The following SLCO3A1 variants were observed in gnomAD, a reference collection of about 807,000 sequenced individuals.
The protein encoded by SLCO3A1 is solute carrier organic anion transporter family member 3A1, also known as PGE1 transporter.
SLCO3A1 carries 27 observed loss-of-function variants against 63.1 expected under a neutral mutation model. The observed-to-expected ratio is 0.43, with a 90% CI of 0.32 to 0.59. The LOEUF is 0.59. SLCO3A1 is among the 20% of genes least tolerant of loss of function. SLCO3A1 has a pLI of 0.09. For synonymous variants in SLCO3A1, 473 were observed against 409.9 expected, an observed-to-expected ratio of 1.15 and a Z score of -1.86; for missense variants, 773 against 945.8, an observed-to-expected ratio of 0.82 and a Z score of 2.40.
Position 92,165,309 on chromosome 15 carries a change from C to T in SLCO3A1, c.*2174C>T, listed in dbSNP as rs1596163279. 2.0e-6 allele frequency: 2 copies of T among 984,912 alleles called. No individual in the cohort carries two copies. Among genetic ancestry groups the T allele is most frequent in the Non-Finnish European group, 2.4e-6 (2 of 829,590 alleles). 61.0% of individuals were successfully genotyped at this position (984,912 alleles called of 1,614,324 possible). A position where few individuals can be genotyped will look rare whatever the true frequency, so the allele number is the denominator to read the frequency against. On this transcript the variant is annotated 3_prime_UTR_variant, in exon 10 of 10. Coordinates refer to ENST00000318445, the MANE Select transcript of SLCO3A1 (RefSeq NM_013272.4). The stretch of plus-strand genomic sequence containing the variant: ...GTTAACTACTAAAGGGGAGATGGTT[C>T]TCCAACCACTTCATAAAATATGTAT...
chr15:91,932,012 C>G (rs1899253123), intron 2 of SLCO3A1, among the ~76,000 whole-genome samples: 1 of 152,102 alleles, frequency 6.6e-6, no homozygotes, highest in Admixed American at 6.5e-5. Flanking sequence ...TGGTGACTGT[C>G]TTAGAAAGCT....
intron 2 of SLCO3A1, among the ~76,000 whole-genome samples, chr15:92,093,599 T>A (rs1476506192): frequency 6.6e-6 from 1 of 152,144 alleles, no homozygotes; most frequent in Non-Finnish European, 1.5e-5. Flanking sequence ...AAGTTGTTTT[T>A]CCCCACCTCA....
rs1367873467 is a variant in SLCO3A1, at chr15:91,894,976, G to A, written c.181-21017G>A. Among the ~76,000 whole-genome samples, 2 of 152,200 alleles carry A rather than the reference G, an allele frequency of 1.3e-5. No homozygotes were observed. The highest frequency in any genetic ancestry group is 4.8e-5 in the African/African-American group (2 of 41,440). On this transcript the variant is annotated intron_variant, in intron 1 of 9. Transcript: ENST00000318445. This position sits in a 1 kb window ranked among gnomAD's most constrained non-coding sequence, Gnocchi z 4.8. ...GGACTTGTGGCTGTGAGTCTCCAGAGACTCAAGGCATTTGCTTTGTGAGGA... is the reference window on the plus strand; with the variant it reads ...GGACTTGTGGCTGTGAGTCTCCAGAAACTCAAGGCATTTGCTTTGTGAGGA...
At chr15:92,057,739 A>G (rs1452484198) in intron 2 of SLCO3A1, among the ~76,000 whole-genome samples, 1 of 152,190 alleles carries the variant, frequency 6.6e-6, no homozygotes, top group Non-Finnish European at 1.5e-5. Flanking sequence ...ACTGATAATC[A>G]GAGGCTGCAT....
intron 1 of SLCO3A1, among the ~76,000 whole-genome samples, chr15:91,864,549 A>G (rs1413698535): frequency 1.4e-5 from 2 of 138,112 alleles, no homozygotes. Flanking sequence ...TACCCTACCT[A>G]TCCTTAATGG....
In SLCO3A1 at chr15:91,882,801, T is replaced by G. The variant is rs532822034; in HGVS notation, c.180+28713T>G. Among the ~76,000 whole-genome samples, 1 of 152,318 alleles carries G rather than the reference T, an allele frequency of 6.6e-6. No individual in the cohort carries two copies. Among genetic ancestry groups the G allele is most frequent in the South Asian group, 2.1e-4 (1 of 4,822 alleles). On this transcript the variant is annotated intron_variant, in intron 1 of 9. Transcript: ENST00000318445. The surrounding 1 kb of genome is among the most constrained non-coding windows in gnomAD (Gnocchi z 4.4). ...CCTTCCAAAGTGCTGAGATTACAGG[T>G]GTGAGCTACCGCGCCCAGCCATGAC...
intron 2 of SLCO3A1, among the ~76,000 whole-genome samples, chr15:92,093,752 G>A (rs1255182255): frequency 2.0e-5 from 3 of 152,148 alleles, no homozygotes; most frequent in Admixed American, 1.3e-4. Context: ...CTGAATGGAT[G>A]AATATGTGAT....
chr15:92,053,441 C>T (rs1421877974), intron 2 of SLCO3A1, among the ~76,000 whole-genome samples: 5 of 152,238 alleles, frequency 3.3e-5, no homozygotes, highest in African/African-American at 9.6e-5. Context: ...CAATACATTG[C>T]GATCATCTGA....
intron 2 of SLCO3A1, among the ~76,000 whole-genome samples, chr15:92,091,333 C>G (rs1165905913): frequency 6.6e-6 from 1 of 152,178 alleles, no homozygotes; most frequent in East Asian, 1.9e-4. Context: ...AGCACCGGGC[C>G]GCTGCAGAAG....
intron 2 of SLCO3A1, among the ~76,000 whole-genome samples, chr15:92,013,432 C>G (rs548205618): frequency 3.9e-5 from 6 of 152,306 alleles, no homozygotes; most frequent in South Asian, 2.1e-4. Context: ...CTGACCTCAA[C>G]CCTACCAGCC....
rs1762596579 is a variant in SLCO3A1 at position 92,163,455 on chromosome 15, G to A, written c.*320G>A. Reference sequence around the variant, plus strand: ...AGCAACAGGCACTGCCAAATTCAGGGAACAGTGGTGGCCAGCTTGGAGGAT... The same window carrying A: ...AGCAACAGGCACTGCCAAATTCAGGAAACAGTGGTGGCCAGCTTGGAGGAT... On this transcript the variant is annotated 3_prime_UTR_variant, in exon 10 of 10. Coordinates refer to ENST00000318445, the MANE Select transcript of SLCO3A1 (RefSeq NM_013272.4). The A allele has an allele frequency of 3.8e-6, 4 of 1,045,594 alleles. No individual in the cohort carries two copies. Among genetic ancestry groups the A allele is most frequent in the Non-Finnish European group, 4.6e-6 (4 of 870,262 alleles). The allele number at this position is 1,045,594 out of a possible 1,614,324, so 64.8% of individuals were successfully genotyped here.
At chr15:92,099,198 C>CA (rs1313745319) in intron 3 of SLCO3A1, among the ~76,000 whole-genome samples, 1 of 152,190 alleles carries the variant, frequency 6.6e-6, no homozygotes, top group Non-Finnish European at 1.5e-5. Flanking sequence ...GTTTGCTTCA[C>CA]AAAAAAGGTC....
chr15:91,864,029 G>T lies in SLCO3A1; in HGVS notation c.180+9941G>T, dbSNP rs188662993. On this transcript the variant is annotated intron_variant, in intron 1 of 9. Transcript: ENST00000318445. Reference sequence around the variant, plus strand: ...GAGCAGTTTTGCAGCTTTGCAGCTTGCACTTGATGGAAGCAGATGGGGAGG... The same window carrying T: ...GAGCAGTTTTGCAGCTTTGCAGCTTTCACTTGATGGAAGCAGATGGGGAGG... 1.1e-4 allele frequency among the ~76,000 whole-genome samples: 16 copies of T among 152,354 alleles called. No homozygotes were observed. In the East Asian group the frequency reaches 1.9e-3, roughly 18 times the overall value.
At chr15:92,117,960 C>G (rs1012784050) in intron 4 of SLCO3A1, among the ~76,000 whole-genome samples, 2 of 152,110 alleles carry the variant, frequency 1.3e-5, no homozygotes, top group Non-Finnish European at 2.9e-5. Context: ...GGAAAATTTC[C>G]CAACATTTAC....
chr15:91,886,955 G>C lies in SLCO3A1; in HGVS notation c.181-29038G>C, dbSNP rs1187271312. Among the ~76,000 whole-genome samples the C allele has an allele frequency of 3.3e-5, 5 of 152,196 alleles. No homozygotes were observed. Among genetic ancestry groups the C allele is most frequent in the Non-Finnish European group, 7.3e-5 (5 of 68,040 alleles). On this transcript the variant is annotated intron_variant, in intron 1 of 9. Coordinates refer to ENST00000318445, the MANE Select transcript of SLCO3A1 (RefSeq NM_013272.4). This position sits in a 1 kb window ranked among gnomAD's most constrained non-coding sequence, Gnocchi z 4.9. ...GCTGAAGTTGCAGTTGCGTGGGAGA[G>C]GGAGCAGGAGTTTATTCTCCCCTCT...
chr15:91,869,129 G>A (rs1897235627), intron 1 of SLCO3A1, among the ~76,000 whole-genome samples: 1 of 152,150 alleles, frequency 6.6e-6, no homozygotes, highest in South Asian at 2.1e-4. Flanking sequence ...AGCCGGGCAT[G>A]GTAGCTCGTG....
At chr15:92,076,507 C>G (rs2151519314) in intron 2 of SLCO3A1, among the ~76,000 whole-genome samples, 1 of 152,352 alleles carries the variant, frequency 6.6e-6, no homozygotes, top group East Asian at 1.9e-4. Context: ...CACTGAGTCT[C>G]TACTCATTTG....
rs182812524 is a variant in SLCO3A1 at position 92,092,157 on chromosome 15, A to G, written c.647-2724A>G. 2.0e-4 allele frequency among the ~76,000 whole-genome samples: 31 copies of G among 152,206 alleles called. 1 individual carries two copies. The highest frequency in any genetic ancestry group is 1.9e-3 in the Admixed American group (29 of 15,304). ...CTGGCTAGTCCTCACTTTCAACTGT[A>G]CTGTCCCCAAGCATGGGGATAACAG... On this transcript the variant is annotated intron_variant, in intron 2 of 9. Coordinates refer to ENST00000318445, the MANE Select transcript of SLCO3A1 (RefSeq NM_013272.4).
At position 91,854,090 on chromosome 15, in the gene SLCO3A1, T is replaced by C; in HGVS notation, c.180+2T>C. On this transcript the variant is annotated splice_donor_variant, in intron 1 of 9. Coordinates refer to ENST00000318445, the MANE Select transcript of SLCO3A1 (RefSeq NM_013272.4). LOFTEE classifies it high-confidence loss of function. The surrounding 1 kb of genome is among the most constrained non-coding windows in gnomAD (Gnocchi z 6.4). ...CAGGGCACGGTGGGCGCCTACCTGG[T>C]GAGTCCCCGAGCCAACTCCGCCGCG... is the stretch of plus-strand genomic sequence containing the variant. The C allele has an allele frequency of 6.6e-7, 1 of 1,516,418 alleles. No individual in the cohort carries two copies. The highest frequency in any genetic ancestry group is 8.9e-7 in the Non-Finnish European group (1 of 1,128,778). The allele number at this position is 1,516,418 out of a possible 1,614,324, so 93.9% of individuals were successfully genotyped here.
Sources: gnomAD v4.1 joint callset for allele counts (sites outside exome capture counted in the v4.1 genomes callset) on GRCh38, gnomAD v4.1.1 for gene constraint, Gnocchi (gnomAD v3.1) non-coding constraint, MANE v1.5 for transcripts, NCBI Gene and HGNC (gene_info 2026-07-23, HGNC 2026-07-21) for gene names.